The following DENND3 variants were observed in gnomAD, a reference collection of about 807,000 sequenced individuals.
DENND3 encodes DENN domain containing 3.
In DENND3, 88 loss-of-function variants were observed where a neutral mutation model predicts 135.1. The ratio of observed to expected loss-of-function variants is 0.65; its 90% CI spans 0.55 to 0.78. The LOEUF (loss-of-function observed/expected upper bound fraction) is 0.78, where lower values mean the gene tolerates loss of function less well. Among genes scored for constraint, DENND3 ranks in the 30% least tolerant of loss-of-function variants. The pLI is 0.00. For synonymous variants in DENND3, 693 were observed against 712.3 expected (o/e 0.97, Z 0.43); for missense variants, 1,392 against 1,688.4 (o/e 0.82, Z 3.08).
At chr8:141,148,353 A>G (rs563433479) in intron 5 of DENND3, among the ~76,000 whole-genome samples, 1 of 152,164 alleles carries the variant, frequency 6.6e-6, no homozygotes, top group Admixed American at 6.5e-5. Context: ...TGGTGCATGG[A>G]CCAACAGCCG....
chr8:141,184,838 T>C, intron 17 of DENND3: 2 of 268,294 alleles, frequency 7.5e-6, no homozygotes, highest in South Asian at 9.3e-5. Flanking sequence ...CTGTTTCCTC[T>C]AGTGAATGCT....
intron 5 of DENND3, among the ~76,000 whole-genome samples, chr8:141,148,705 G>A (rs1382092247): frequency 3.3e-5 from 5 of 151,880 alleles, no homozygotes; most frequent in African/African-American, 4.8e-5. Flanking sequence ...GCATGCACCC[G>A]AGACCAACCA....
intron 13 of DENND3, among the ~76,000 whole-genome samples, chr8:141,169,589 C>T (rs185869958): frequency 1.3e-5 from 2 of 152,340 alleles, no homozygotes; most frequent in East Asian, 1.9e-4. Flanking sequence ...TTAGACCCAG[C>T]GGGGGCTCCG....
Position 141,174,383 on chromosome 8 carries a change from C to T in DENND3, c.2276-817C>T, listed in dbSNP as rs555461943. ...GCAGAACTGAGGGGGACTTGCTGCA[C>T]GTCAGGGGACAGAGAGAGGGACACT... On this transcript the variant is annotated intron_variant, in intron 13 of 22. Coordinates refer to ENST00000519811, the MANE Select transcript of DENND3 (RefSeq NM_001352890.3). This position sits in a 1 kb window ranked among gnomAD's most constrained non-coding sequence, Gnocchi z 4.6. 2.6e-5 allele frequency among the ~76,000 whole-genome samples: 4 copies of T among 152,192 alleles called. No individual in the cohort carries two copies. Among genetic ancestry groups the T allele is most frequent in the East Asian group, 1.9e-4 (1 of 5,168 alleles).
At chr8:141,161,872 C>T (rs1820180158) in intron 9 of DENND3, among the ~76,000 whole-genome samples, 1 of 147,718 alleles carries the variant, frequency 6.8e-6, no homozygotes, top group African/African-American at 2.5e-5. Context: ...GCCATCTGGG[C>T]TCACTGCAAC....
chr8:141,148,491 A>G (rs1317923324), intron 5 of DENND3, among the ~76,000 whole-genome samples: 1 of 152,198 alleles, frequency 6.6e-6, no homozygotes, highest in Admixed American at 6.5e-5. Flanking sequence ...TCACACACAC[A>G]CACATTCTTC....
intron 13 of DENND3, among the ~76,000 whole-genome samples, chr8:141,171,764 C>T (rs1160210624): frequency 6.6e-6 from 1 of 151,040 alleles, no homozygotes; most frequent in African/African-American, 2.4e-5. Context: ...GTGTGCACAG[C>T]GGCCATGGGT....
intron 20 of DENND3, among the ~76,000 whole-genome samples, chr8:141,190,775 T>C (rs951944328): frequency 4.6e-5 from 7 of 152,196 alleles, no homozygotes; most frequent in African/African-American, 1.7e-4. Flanking sequence ...GGCCTCTGTG[T>C]GCGTCACGTC....
At chr8:141,179,812 G>C (rs1822856015) in intron 16 of DENND3, among the ~76,000 whole-genome samples, 1 of 152,210 alleles carries the variant, frequency 6.6e-6, no homozygotes, top group African/African-American at 2.4e-5. Context: ...GGGATAACGG[G>C]ACCAATCTCA....
rs1257062750 is a variant in DENND3, at chr8:141,168,539, T to C, written c.2275+14T>C. On this transcript the variant is annotated intron_variant, in intron 13 of 22. Coordinates refer to ENST00000519811, the MANE Select transcript of DENND3 (RefSeq NM_001352890.3). This position sits in a 1 kb window ranked among gnomAD's most constrained non-coding sequence, Gnocchi z 6.2. ...CCTTGACTGTAGGTAAGAGGAGGCC[T>C]GGCACCATCACAGATTTTATTATTT... is the stretch of plus-strand genomic sequence containing the variant. 1 of 1,590,592 alleles carries C rather than the reference T, an allele frequency of 6.3e-7. No individual in the cohort carries two copies. Among genetic ancestry groups the C allele is most frequent in the South Asian group, 1.1e-5 (1 of 89,304 alleles).
Position 141,190,454 on chromosome 8 carries a change from C to T in DENND3, c.3379+37C>T, listed in dbSNP as rs770646724. On this transcript the variant is annotated intron_variant, in intron 20 of 22. Coordinates refer to ENST00000519811, the MANE Select transcript of DENND3 (RefSeq NM_001352890.3). Reference sequence around the variant, plus strand: ...CCCTGCCATCAGAGCGGGCACCCTACCTCCCTGCTCTGGGAAAAGGATGCT... The same window carrying T: ...CCCTGCCATCAGAGCGGGCACCCTATCTCCCTGCTCTGGGAAAAGGATGCT... 8 of 1,563,714 alleles carry T rather than the reference C, an allele frequency of 5.1e-6. No individual in the cohort carries two copies. In the East Asian group the frequency reaches 1.2e-4, roughly 23 times the overall value.
At chr8:141,160,868 C>T (rs1820054217) in intron 9 of DENND3, 81 bp downstream of exon 9, 3 of 1,519,976 alleles carry the variant, frequency 2.0e-6, no homozygotes, top group Non-Finnish European at 2.7e-6. Context: ...CACCCCGCCC[C>T]AGAGGGCAGG....
At chr8:141,176,870 G>C in intron 15 of DENND3, 109 bp downstream of exon 15, 1 of 1,257,138 alleles carries the variant, frequency 8.0e-7, no homozygotes, top group Non-Finnish European at 1.1e-6. Flanking sequence ...GCTCGGGTCT[G>C]AGTGTCTTAA....
chr8:141,192,190 G>A lies in DENND3; in HGVS notation c.3380-141G>A, dbSNP rs987636153. ...CATTTTTTCCCAGTAGACCTCACCT[G>A]TGCATTCCTCAGGCGCCAGGTGGCA... is the stretch of plus-strand genomic sequence containing the variant. On this transcript the variant is annotated intron_variant, in intron 20 of 22. Coordinates refer to ENST00000519811, the MANE Select transcript of DENND3 (RefSeq NM_001352890.3). 221 of 1,169,334 alleles carry A rather than the reference G, an allele frequency of 1.9e-4. 1 individual carries two copies. The highest frequency in any genetic ancestry group is 9.5e-6 in the Non-Finnish European group (8 of 841,162). The allele number at this position is 1,169,334 out of a possible 1,614,324, so 72.4% of individuals were successfully genotyped here.
chr8:141,131,927 A>G lies in DENND3; in HGVS notation c.102+3118A>G, dbSNP rs181245206. On this transcript the variant is annotated intron_variant, in intron 1 of 22. Transcript: ENST00000519811. ...CAGGGCAGCCACAACCTGTATCACC[A>G]AGTAACCTTGGAACACTCTTGTGCC... is the stretch of plus-strand genomic sequence containing the variant. 4.2e-3 allele frequency among the ~76,000 whole-genome samples: 643 copies of G among 152,196 alleles called. 5 individuals are homozygous for G. The highest frequency in any genetic ancestry group is 5.7e-3 in the Non-Finnish European group (390 of 67,992).
rs912043434 is a variant in DENND3 at position 141,180,602 on chromosome 8, G to A, written c.2837-145G>A. The A allele has an allele frequency of 1.1e-5, 8 of 722,438 alleles. No homozygotes were observed. The Admixed American group carries it at 1.7e-4, about 16-fold the overall frequency. 44.8% of individuals were successfully genotyped at this position (722,438 alleles called of 1,614,324 possible). A position where few individuals can be genotyped will look rare whatever the true frequency, so the allele number is the denominator to read the frequency against. ...GTGCATGGCTTTCTTTCAGTGCCCC[G>A]GGTCCAAGAGACCTTCGTCTTCACA... On this transcript the variant is annotated intron_variant, in intron 16 of 22. Coordinates refer to ENST00000519811, the MANE Select transcript of DENND3 (RefSeq NM_001352890.3).
At chr8:141,162,429 T>C (rs1270248697) in intron 9 of DENND3, among the ~76,000 whole-genome samples, 1 of 151,996 alleles carries the variant, frequency 6.6e-6, no homozygotes, top group African/African-American at 2.4e-5. Flanking sequence ...ATCCCGGCTC[T>C]TTAAAAAAAA....
chr8:141,145,197 C>T (rs1380469027), intron 5 of DENND3, among the ~76,000 whole-genome samples: 1 of 152,244 alleles, frequency 6.6e-6, no homozygotes, highest in Non-Finnish European at 1.5e-5. Context: ...GCCGCACACC[C>T]CCTTATCTTG....
Position 141,137,431 on chromosome 8 carries a change from A to G in DENND3, c.386-591A>G, listed in dbSNP as rs1393928875. Among the ~76,000 whole-genome samples, 4 of 152,154 alleles carry G rather than the reference A, an allele frequency of 2.6e-5. No individual in the cohort carries two copies. Among genetic ancestry groups the G allele is most frequent in the African/African-American group, 9.7e-5 (4 of 41,410 alleles). On this transcript the variant is annotated intron_variant, in intron 2 of 22. Transcript: ENST00000519811. This position sits in a 1 kb window ranked among gnomAD's most constrained non-coding sequence, Gnocchi z 4.1. Reference sequence around the variant, plus strand: ...TCAAGGCTTTTCCCCTTTGACTTAAAATGAAGTCTTGCAGTGGTTGGCAGA... The same window carrying G: ...TCAAGGCTTTTCCCCTTTGACTTAAGATGAAGTCTTGCAGTGGTTGGCAGA...
Sources: gnomAD v4.1 joint callset for allele counts (sites outside exome capture counted in the v4.1 genomes callset) on GRCh38, gnomAD v4.1.1 for gene constraint, Gnocchi (gnomAD v3.1) non-coding constraint, MANE v1.5 for transcripts, NCBI Gene and HGNC (gene_info 2026-07-23, HGNC 2026-07-21) for gene names.